Variants in TACC2 observed in about 807,000 individuals in gnomAD.
TACC2 encodes the protein transforming acidic coiled-coil-containing protein 2.
TACC2 carries 137 observed loss-of-function variants against 227.3 expected under a neutral mutation model. The ratio of observed to expected loss-of-function variants is 0.60; its 90% CI spans 0.52 to 0.69. The LOEUF is 0.69. Among genes scored for constraint, TACC2 ranks in the 30% least tolerant of loss-of-function variants. TACC2 has a pLI of 0.00. For missense variants in TACC2, 3,470 were observed against 3,694.4 expected, an observed-to-expected ratio of 0.94 and a Z score of 1.57; for synonymous variants, 1,523 against 1,487.5, an observed-to-expected ratio of 1.02 and a Z score of -0.55.
rs114739516 is a variant in TACC2, at chr10:122,248,749, C to T, written c.8499C>T (p.Ala2833=). ...TGAACTCCGTGGAGAAGTCTCTGGC[C>T]GACCTCTTCAGAAGATATGAGAAGA... ...ADLNSVEKSL[A]DLFRRYEKMK... Residue 2833 remains alanine, a synonymous_variant, in exon 20 of 23, where the codon GCC becomes GCT. Coordinates refer to ENST00000369005, the MANE Select transcript of TACC2 (RefSeq NM_206862.4). 825 of 1,614,100 alleles carry T rather than the reference C, an allele frequency of 5.1e-4. 4 individuals are homozygous for T. The African/African-American group carries it at 8.4e-3, about 16-fold the overall frequency.
At chr10:122,183,393 G>A (rs1292993165) in intron 7 of TACC2, among the ~76,000 whole-genome samples, 2 of 152,110 alleles carry the variant, frequency 1.3e-5, no homozygotes, top group Non-Finnish European at 2.9e-5. Context: ...CAGGATGTGA[G>A]TAATGAGAGT....
intron 3 of TACC2, among the ~76,000 whole-genome samples, chr10:122,059,132 G>A (rs11200371): frequency 0.56 from 81,078 of 144,634 alleles, 23,856 homozygotes; most frequent in Non-Finnish European, 0.64. Flanking sequence ...TGGTCAGGCT[G>A]GTCTCGAACT....
intron 16 of TACC2, among the ~76,000 whole-genome samples, chr10:122,231,862 G>A (rs1382272171): frequency 6.6e-6 from 1 of 152,126 alleles, no homozygotes; most frequent in Non-Finnish European, 1.5e-5. Context: ...AATACAAATG[G>A]GAGCCCCTGG....
intron 2 of TACC2, among the ~76,000 whole-genome samples, chr10:122,032,775 A>G (rs1342632511): frequency 6.6e-6 from 1 of 152,172 alleles, no homozygotes; most frequent in African/African-American, 2.4e-5. Flanking sequence ...CCTGGCCAAC[A>G]TGGTGAAACC....
chr10:122,183,380 G>T (rs543365651), intron 7 of TACC2, among the ~76,000 whole-genome samples: 1 of 152,256 alleles, frequency 6.6e-6, no homozygotes, highest in Admixed American at 6.5e-5. Context: ...GTTGCCCTTT[G>T]CCCAGGATGT....
intron 8 of TACC2, among the ~76,000 whole-genome samples, chr10:122,199,463 GC>G (rs2094704664): frequency 6.6e-6 from 1 of 152,238 alleles, no homozygotes; most frequent in Non-Finnish European, 1.5e-5. Context: ...GCTCCCTGTA[GC>G]CACGGGAGAC....
intron 7 of TACC2, 70 bp downstream of exon 7, chr10:122,143,776 G>C (rs2091006018): frequency 6.5e-7 from 1 of 1,532,096 alleles, no homozygotes; most frequent in African/African-American, 1.4e-5. Context: ...CTGCCCCCTA[G>C]GTCTTGGGGT....
At chr10:122,153,454 G>T (rs987887771) in intron 7 of TACC2, among the ~76,000 whole-genome samples, 4 of 152,334 alleles carry the variant, frequency 2.6e-5, no homozygotes, top group Admixed American at 2.0e-4. Flanking sequence ...TTTGGGTTGG[G>T]TCATCTCATA....
chr10:122,172,720 C>T lies in TACC2; in HGVS notation c.5835-22320C>T, dbSNP rs528661822. Among the ~76,000 whole-genome samples, 31 of 152,270 alleles carry T rather than the reference C, an allele frequency of 2.0e-4. 1 individual carries two copies. In the South Asian group the frequency reaches 4.1e-3, roughly 20 times the overall value. On this transcript the variant is annotated intron_variant, in intron 7 of 22. Coordinates refer to ENST00000369005, the MANE Select transcript of TACC2 (RefSeq NM_206862.4). ...CCTTTCATGAATGGCCCTAAGACGC[C>T]GTCCTGGGGCGCAGGGCTGCTGGGG...
At chr10:122,046,084 A>T (rs1031346223) in intron 2 of TACC2, among the ~76,000 whole-genome samples, 1 of 152,084 alleles carries the variant, frequency 6.6e-6, no homozygotes, top group African/African-American at 2.4e-5. Context: ...CTGAGGCAGG[A>T]GAATTGCTTG....
At position 122,086,718 on chromosome 10, in the gene TACC2, A is replaced by T; in HGVS notation, c.4218A>T (p.Pro1406=). Residue 1406 remains proline (P), a synonymous_variant, in exon 4 of 23, where the codon CCA becomes CCT. Transcript: ENST00000369005. ...SEQIATLTGF[P]DFREHIAKIF... Reference sequence around the variant, plus strand: ...AAATCGCCACCCTCACTGGCTTCCCAGACTTCAGGGAGCACATCGCCAAGA... The same window carrying T: ...AAATCGCCACCCTCACTGGCTTCCCTGACTTCAGGGAGCACATCGCCAAGA... 6.2e-7 allele frequency: 1 copy of T among 1,613,966 alleles called. No individual in the cohort carries two copies. Among genetic ancestry groups the T allele is most frequent in the Non-Finnish European group, 8.5e-7 (1 of 1,179,962 alleles).
chr10:122,164,860 G>T (rs1163697221), intron 7 of TACC2, among the ~76,000 whole-genome samples: 2 of 152,194 alleles, frequency 1.3e-5, no homozygotes, highest in South Asian at 2.1e-4. Context: ...GGGGGTAGGG[G>T]TAGTAAAGTG....
intron 15 of TACC2, among the ~76,000 whole-genome samples, chr10:122,229,835 G>C (rs754258330): frequency 6.6e-6 from 1 of 152,066 alleles, no homozygotes; most frequent in Non-Finnish European, 1.5e-5. Flanking sequence ...TTATATATAC[G>C]TGGCTATCTC....
chr10:122,132,417 G>A (rs536533422), intron 5 of TACC2, among the ~76,000 whole-genome samples, 192 bp from the exon 6 acceptor site: 25 of 152,304 alleles, frequency 1.6e-4, no homozygotes, highest in African/African-American at 5.3e-4. Flanking sequence ...CTGTGGTGGC[G>A]GGGCGCCTGT....
intron 5 of TACC2, among the ~76,000 whole-genome samples, chr10:122,089,297 G>C (rs1449264822): frequency 2.0e-5 from 3 of 151,894 alleles, no homozygotes; most frequent in Non-Finnish European, 2.9e-5. Context: ...CCCCACACCC[G>C]CCGCATCATC....
At position 122,180,262 on chromosome 10, in the gene TACC2, C is replaced by T. The variant is rs1339856372; in HGVS notation, c.5835-14778C>T. On this transcript the variant is annotated intron_variant, in intron 7 of 22. Transcript: ENST00000369005. This position sits in a 1 kb window ranked among gnomAD's most constrained non-coding sequence, Gnocchi z 4.5. ...GCCTGAAGCCCATTCCTTGAACCTG[C>T]CACCCTCCTTCCCCCTCCCACCTCA... Among the ~76,000 whole-genome samples, 1 of 152,020 alleles carries T rather than the reference C, an allele frequency of 6.6e-6. No individual in the cohort carries two copies. Among genetic ancestry groups the T allele is most frequent in the Non-Finnish European group, 1.5e-5 (1 of 68,006 alleles).
At chr10:121,991,755 C>G (rs1288112702) in intron 1 of TACC2, among the ~76,000 whole-genome samples, 1 of 152,198 alleles carries the variant, frequency 6.6e-6, no homozygotes, top group African/African-American at 2.4e-5. Flanking sequence ...TTTTATATCT[C>G]AAAGCCATTT....
intron 7 of TACC2, among the ~76,000 whole-genome samples, chr10:122,173,479 G>A (rs544425386): frequency 2.7e-4 from 41 of 152,244 alleles, no homozygotes; most frequent in Non-Finnish European, 5.4e-4. Context: ...GGCTGTGGGA[G>A]GCAACCTGCT....
chr10:122,210,484 T>G lies in TACC2; in HGVS notation c.6059T>G (p.Phe2020Cys). ...CCCTTCCGTCCCCCGTCACACTCCTTCTCTGCCGTCTTCGATGAAGACAAG... is the reference window on the plus strand; with the variant it reads ...CCCTTCCGTCCCCCGTCACACTCCTGCTCTGCCGTCTTCGATGAAGACAAG... Reference protein sequence around the residue: ...GSPFRPPSHSFSAVFDEDKPI... With the variant: ...GSPFRPPSHSCSAVFDEDKPI... Residue 2020 changes from phenylalanine to cysteine, a missense_variant, in exon 9 of 23, where the codon TTC (phenylalanine) becomes TGC (cysteine). Transcript: ENST00000369005. The surrounding 1 kb of genome is among the most constrained non-coding windows in gnomAD (Gnocchi z 4.6). 1 of 1,614,078 alleles carries G rather than the reference T, an allele frequency of 6.2e-7. No homozygotes were observed. Among genetic ancestry groups the G allele is most frequent in the South Asian group, 1.1e-5 (1 of 91,050 alleles).
Sources: allele counts gnomAD v4.1 joint callset (sites outside exome capture counted in the v4.1 genomes callset), GRCh38; gene constraint gnomAD v4.1.1; non-coding constraint Gnocchi (gnomAD v3.1); transcripts MANE v1.5; gene names NCBI Gene and HGNC (gene_info 2026-07-23, HGNC 2026-07-21).